Variants in ANKMY1 observed in about 807,000 individuals in gnomAD.
ANKMY1 encodes the protein ankyrin repeat and MYND domain containing 1.
Under a neutral mutation model 102.0 loss-of-function variants are expected in ANKMY1, and 98 were observed. That is an observed-to-expected ratio of 0.96 (90% CI 0.82 to 1.14). ANKMY1 has a LOEUF of 1.14. ANKMY1 is among the 50% of genes most tolerant of loss of function. The probability of loss-of-function intolerance (pLI) is 0.00; values close to 1 mark genes in which losing one functional copy is unlikely to be tolerated. For synonymous variants in ANKMY1, 582 were observed against 559.9 expected (o/e 1.04, Z -0.56); for missense variants, 1,330 against 1,347.6 (o/e 0.99, Z 0.20).
At chr2:240,518,227 C>T (rs1240068604) in intron 9 of ANKMY1, among the ~76,000 whole-genome samples, 1 of 152,188 alleles carries the variant, frequency 6.6e-6, no homozygotes, top group Non-Finnish European at 1.5e-5. Flanking sequence ...TATCTGAGCT[C>T]CTTCCTCAGG....
intron 4 of ANKMY1, among the ~76,000 whole-genome samples, chr2:240,539,063 G>A (rs2087810865): frequency 6.6e-6 from 1 of 152,200 alleles, no homozygotes; most frequent in South Asian, 2.1e-4. Flanking sequence ...TGTGGGTGGG[G>A]TCAGATAAGG....
the ANKMY1 span, among the ~76,000 whole-genome samples, chr2:240,472,728 T>C: frequency 6.6e-6 from 1 of 152,132 alleles, no homozygotes; most frequent in Admixed American, 6.5e-5. Flanking sequence ...ACCCAACAGA[T>C]CTTTATCTGC....
At chr2:240,484,760 A>G (rs573511253) in intron 15 of ANKMY1, among the ~76,000 whole-genome samples, 102 of 152,340 alleles carry the variant, frequency 6.7e-4, no homozygotes, top group African/African-American at 2.3e-3. Flanking sequence ...CAGAGTGAAC[A>G]GGCAACCTAC....
intron 17 of ANKMY1, 56 bp downstream of exon 17, chr2:240,480,881 G>T (rs531584768): frequency 6.4e-7 from 1 of 1,571,200 alleles, no homozygotes. Context: ...CCAGGCCTGC[G>T]CCTTCGCCCT....
At chr2:240,479,400 G>C, downstream of ANKMY1, 1 of 646,660 alleles carries the variant, frequency 1.5e-6, no homozygotes, top group Admixed American at 2.8e-5. Flanking sequence ...ACTTTGCCCA[G>C]CTAGGGGCAG....
chr2:240,506,963 C>T lies in ANKMY1; in HGVS notation c.2526+597G>A, dbSNP rs1225644315. On this transcript the variant is annotated intron_variant, in intron 13 of 17. Coordinates refer to ENST00000401804, the MANE Select transcript of ANKMY1 (RefSeq NM_001282771.3). This position sits in a 1 kb window ranked among gnomAD's most constrained non-coding sequence, Gnocchi z 4.9. The stretch of plus-strand genomic sequence containing the variant: ...ACCTAAGAAAGCCGCTCCCTGTGGC[C>T]AGGAGACAATGCCCCAAACCCCCGC... 6.6e-6 allele frequency among the ~76,000 whole-genome samples: 1 copy of T among 152,026 alleles called. No individual in the cohort carries two copies. The highest frequency in any genetic ancestry group is 1.5e-5 in the Non-Finnish European group (1 of 68,006).
At chr2:240,471,632 A>C in the ANKMY1 span, among the ~76,000 whole-genome samples, 2 of 152,228 alleles carry the variant, frequency 1.3e-5, no homozygotes, top group South Asian at 4.1e-4. Context: ...TAATGTCAGC[A>C]AGATGGCAGA....
chr2:240,532,001 G>C, intron 4 of ANKMY1: 1 of 375,938 alleles, frequency 2.7e-6, no homozygotes, highest in East Asian at 9.4e-5. Flanking sequence ...AGACATAGAG[G>C]GTATTGTGAG....
chr2:240,553,173 G>A, intron 3 of ANKMY1, 116 bp from the exon 4 acceptor site: 1 of 1,252,112 alleles, frequency 8.0e-7, no homozygotes, highest in Non-Finnish European at 1.1e-6. Flanking sequence ...CAGGGCTGTG[G>A]CAGAACTCAG....
intron 15 of ANKMY1, among the ~76,000 whole-genome samples, chr2:240,485,884 T>A (rs1417862568): frequency 6.6e-6 from 1 of 152,218 alleles, no homozygotes; most frequent in Non-Finnish European, 1.5e-5. Flanking sequence ...TGAGCCACCA[T>A]GCCTGGCCTA....
At chr2:240,559,576 G>C (rs1192725920), upstream of ANKMY1, among the ~76,000 whole-genome samples, 3 of 152,130 alleles carry the variant, frequency 2.0e-5, no homozygotes, top group Non-Finnish European at 4.4e-5. Flanking sequence ...CCTAATCAAT[G>C]GCTCCCATGA....
At position 240,480,931 on chromosome 2, in the gene ANKMY1, A is replaced by C; in HGVS notation, c.3046+6T>G. ...CCCTTGCCTCCCAGCCTGAGGGCCG[A>C]CCTACCGATGGCCACCAGGTCCCCG... On this transcript the variant is annotated splice_donor_region_variant and intron_variant, in intron 17 of 17. Coordinates refer to ENST00000401804, the MANE Select transcript of ANKMY1 (RefSeq NM_001282771.3). 6.2e-7 allele frequency: 1 copy of C among 1,603,114 alleles called. No homozygotes were observed. The highest frequency in any genetic ancestry group is 8.5e-7 in the Non-Finnish European group (1 of 1,171,242).
intron 7 of ANKMY1, among the ~76,000 whole-genome samples, chr2:240,525,453 C>T (rs776870191): frequency 2.0e-5 from 3 of 152,228 alleles, no homozygotes; most frequent in East Asian, 3.8e-4. Context: ...GGGCAGGTCT[C>T]GGGGCCCCAG....
At position 240,529,473 on chromosome 2, in the gene ANKMY1, C is replaced by T. The variant is rs766822768; in HGVS notation, c.517G>A (p.Val173Ile). Residue 173 changes from valine (V) to isoleucine (I), a missense_variant, in exon 5 of 18, where the codon GTC becomes ATC. Coordinates refer to ENST00000401804, the MANE Select transcript of ANKMY1 (RefSeq NM_001282771.3). The surrounding 1 kb of genome is among the most constrained non-coding windows in gnomAD (Gnocchi z 4.2). ...YKADQRFGPG[V>I]ETYPDGSQDV... ...TGGCTGCCATCGGGGTAGGTCTCGA[C>T]ACCTGGCCCAAACCGCTGGTCCGCT... is the stretch of plus-strand genomic sequence containing the variant. 18 of 1,613,812 alleles carry T rather than the reference C, an allele frequency of 1.1e-5. No homozygotes were observed. The highest frequency in any genetic ancestry group is 1.3e-5 in the Non-Finnish European group (15 of 1,179,934).
chr2:240,509,626 A>G (rs545365744), intron 11 of ANKMY1, among the ~76,000 whole-genome samples, 171 bp from the exon 12 acceptor site: 1 of 152,282 alleles, frequency 6.6e-6, no homozygotes, highest in East Asian at 1.9e-4. Flanking sequence ...GCATAGATGG[A>G]TAGGTGAATG....
At position 240,552,983 on chromosome 2, in the gene ANKMY1, G is replaced by A; in HGVS notation, c.411C>T (p.Phe137=). ...GTYMWPDGSS[F]TGTFYLSHRE... is the part of the protein sequence containing the mutation. The stretch of plus-strand genomic sequence containing the variant: ...GGTGGCTGAGGTAAAATGTGCCCGT[G>A]AAACTGGAGCCATCTGGCCACATGT... Residue 137 remains phenylalanine (F), a synonymous_variant, in exon 4 of 18, where the codon TTC becomes TTT. Transcript: ENST00000401804. 3 of 1,614,020 alleles carry A rather than the reference G, an allele frequency of 1.9e-6. No individual in the cohort carries two copies. The highest frequency in any genetic ancestry group is 2.5e-6 in the Non-Finnish European group (3 of 1,179,984).
At chr2:240,513,523 A>G (rs1041228620) in intron 9 of ANKMY1, among the ~76,000 whole-genome samples, 2 of 152,356 alleles carry the variant, frequency 1.3e-5, no homozygotes, top group African/African-American at 4.8e-5. Flanking sequence ...AGTCCCTTAA[A>G]GACCAGCCTC....
Position 240,529,419 on chromosome 2 carries a change from G to A in ANKMY1, c.571C>T (p.Leu191Phe), listed in dbSNP as rs1344050598. The A allele has an allele frequency of 6.2e-7, 1 of 1,614,024 alleles. No individual in the cohort carries two copies. Among genetic ancestry groups the A allele is most frequent in the African/African-American group, 1.3e-5 (1 of 74,928 alleles). Reference sequence around the variant, plus strand: ...GGGATCTGGGTGCACAGCTTGATGAGCTGCTCTCGGAACCACAGCCCCACG... The same window carrying A: ...GGGATCTGGGTGCACAGCTTGATGAACTGCTCTCGGAACCACAGCCCCACG... Reference protein sequence around the residue: ...QDVGLWFREQLIKLCTQIPSG... With the variant: ...QDVGLWFREQFIKLCTQIPSG... Residue 191 changes from leucine (L) to phenylalanine (F), a missense_variant, in exon 5 of 18, where the codon CTC (leucine) becomes TTC (phenylalanine). Physicochemically the swap from Leu to Phe is conservative, Grantham distance 22. Coordinates refer to ENST00000401804, the MANE Select transcript of ANKMY1 (RefSeq NM_001282771.3). The surrounding 1 kb of genome is among the most constrained non-coding windows in gnomAD (Gnocchi z 4.2).
intron 3 of ANKMY1, chr2:240,553,419 G>GTGGGGACAGGA: frequency 3.9e-6 from 1 of 254,118 alleles, no homozygotes; most frequent in Non-Finnish European, 7.8e-6. Context: ...ATGCTGCTGA[G>GTGGGGACAGGA]CTCCCTGCCA....
Sources: gnomAD v4.1 joint callset for allele counts (sites outside exome capture counted in the v4.1 genomes callset) on GRCh38, gnomAD v4.1.1 for gene constraint, Gnocchi (gnomAD v3.1) non-coding constraint, MANE v1.5 for transcripts, NCBI Gene and HGNC (gene_info 2026-07-23, HGNC 2026-07-21) for gene names.